ROBO1: variants seen among roughly 807,000 people sequenced by gnomAD.
The protein encoded by ROBO1 is roundabout homolog 1.
Under a neutral mutation model 195.9 loss-of-function variants are expected in ROBO1, and 149 were observed. The ratio of observed to expected loss-of-function variants is 0.76; its 90% CI spans 0.67 to 0.87. The LOEUF (loss-of-function observed/expected upper bound fraction) is 0.87. Among genes scored for constraint, ROBO1 ranks in the 40% least tolerant of loss-of-function variants. The pLI, the probability that ROBO1 is intolerant of heterozygous loss-of-function variation, is 0.00. For missense variants in ROBO1, 1,933 were observed against 2,068.3 expected (o/e 0.93, Z 1.27); for synonymous variants, 816 against 733.2 (o/e 1.11, Z -1.82).
At chr3:78,645,535 G>T (rs1216329323) in intron 21 of ROBO1, among the ~76,000 whole-genome samples, 5 of 151,614 alleles carry the variant, frequency 3.3e-5, no homozygotes, top group Non-Finnish European at 5.9e-5. Context: ...CTTTAAGCTG[G>T]TTGTCACATC....
At chr3:79,157,528 C>G (rs1169981840) in intron 2 of ROBO1, among the ~76,000 whole-genome samples, 1 of 151,846 alleles carries the variant, frequency 6.6e-6, no homozygotes, top group Non-Finnish European at 1.5e-5. Context: ...GCAGTTTAAA[C>G]CTAACATCAT....
At chr3:79,634,787 TA>T (rs1576155161) in intron 1 of ROBO1, among the ~76,000 whole-genome samples, 1 of 152,164 alleles carries the variant, frequency 6.6e-6, no homozygotes, top group African/African-American at 2.4e-5. Flanking sequence ...GGAATGTTAT[TA>T]AAAATACTCT....
At chr3:78,870,379 A>T (rs560485292) in intron 4 of ROBO1, among the ~76,000 whole-genome samples, 1 of 152,212 alleles carries the variant, frequency 6.6e-6, no homozygotes, top group South Asian at 2.1e-4. Flanking sequence ...CGACTTCTAC[A>T]TGCAAGTGTG....
intron 2 of ROBO1, among the ~76,000 whole-genome samples, chr3:79,481,088 G>A (rs889987058): frequency 6.6e-6 from 1 of 151,836 alleles, no homozygotes; most frequent in Non-Finnish European, 1.5e-5. Flanking sequence ...ATCACATTCT[G>A]CATAATTTAT....
Position 78,685,826 on chromosome 3 carries a change from G to T in ROBO1, c.1262C>A (p.Ser421Tyr). The stretch of plus-strand genomic sequence containing the variant: ...CTGGCAGATGTAATAACCAACATCA[G>T]ATCGCTGGACATTAGTAATTGTGAG... ...GDLTITNVQR[S>Y]DVGYYICQTL... Residue 421 changes from serine to tyrosine, a missense_variant, in exon 10 of 31, where the codon TCT (serine) becomes TAT (tyrosine). Coordinates refer to ENST00000464233, the MANE Select transcript of ROBO1 (RefSeq NM_002941.4). The T allele has an allele frequency of 6.2e-7, 1 of 1,612,050 alleles. No individual in the cohort carries two copies. Among genetic ancestry groups the T allele is most frequent in the Non-Finnish European group, 8.5e-7 (1 of 1,178,682 alleles).
At chr3:79,441,060 T>A (rs2039039351) in intron 2 of ROBO1, among the ~76,000 whole-genome samples, 1 of 152,134 alleles carries the variant, frequency 6.6e-6, no homozygotes, top group South Asian at 2.1e-4. Flanking sequence ...TTTATTGTTA[T>A]CCAAAAAACA....
intron 4 of ROBO1, among the ~76,000 whole-genome samples, chr3:78,881,222 G>A (rs932302956): frequency 6.6e-6 from 1 of 152,160 alleles, no homozygotes; most frequent in Non-Finnish European, 1.5e-5. Flanking sequence ...TGAGCTGTAC[G>A]AAGGAGAAGA....
chr3:78,939,199 A>T (rs2039987066), intron 3 of ROBO1, among the ~76,000 whole-genome samples: 1 of 152,102 alleles, frequency 6.6e-6, no homozygotes, highest in Non-Finnish European at 1.5e-5. Context: ...TCCTTTCAGA[A>T]CCCATTACAT....
chr3:78,746,641 C>A, intron 5 of ROBO1, 102 bp downstream of exon 5: 1 of 983,866 alleles, frequency 1.0e-6, no homozygotes, highest in Admixed American at 3.0e-5. Context: ...CTGACGCAAG[C>A]CTTTATTGAA....
At chr3:78,728,449 C>A (rs1453107001) in intron 5 of ROBO1, among the ~76,000 whole-genome samples, 2 of 31,610 alleles carry the variant, frequency 6.3e-5, no homozygotes, top group Admixed American at 1.0e-3. Context: ...GTTTTTTCTT[C>A]TAGGTTATAA....
intron 4 of ROBO1, among the ~76,000 whole-genome samples, chr3:78,813,976 A>C (rs562701985): frequency 2.4e-4 from 36 of 152,004 alleles, no homozygotes; most frequent in South Asian, 1.7e-3. Flanking sequence ...CTTCTCCCAA[A>C]TCCTAGTCTC....
intron 10 of ROBO1, among the ~76,000 whole-genome samples, chr3:78,674,506 A>C (rs1397199781): frequency 1.3e-5 from 2 of 152,224 alleles, no homozygotes; most frequent in Non-Finnish European, 2.9e-5. Context: ...AATAAGCTCC[A>C]AAATAAAGCA....
chr3:78,898,338 G>T (rs2037366387), intron 4 of ROBO1, among the ~76,000 whole-genome samples: 1 of 146,882 alleles, frequency 6.8e-6, no homozygotes, highest in Non-Finnish European at 1.5e-5. Context: ...TATATAGAGA[G>T]AGAGACAGAT....
At chr3:79,460,736 T>G (rs1008496593) in intron 2 of ROBO1, among the ~76,000 whole-genome samples, 4 of 152,152 alleles carry the variant, frequency 2.6e-5, no homozygotes, top group African/African-American at 9.7e-5. Context: ...TTAAGCAGTA[T>G]TTTTTTCTTT....
At chr3:79,706,409 GT>G (rs1474306249) in intron 1 of ROBO1, among the ~76,000 whole-genome samples, 1 of 152,042 alleles carries the variant, frequency 6.6e-6, no homozygotes, top group Non-Finnish European at 1.5e-5. Flanking sequence ...TGGTCATGTT[GT>G]TTTTCATCTT....
chr3:78,609,204 C>A (rs1191900518), intron 28 of ROBO1, among the ~76,000 whole-genome samples: 3 of 152,032 alleles, frequency 2.0e-5, no homozygotes, highest in Non-Finnish European at 4.4e-5. Context: ...TAAAAAAATA[C>A]AAATTTACAT....
chr3:79,616,289 C>T (rs1944816691), intron 1 of ROBO1, among the ~76,000 whole-genome samples: 1 of 152,122 alleles, frequency 6.6e-6, no homozygotes, highest in Admixed American at 6.5e-5. Flanking sequence ...CTTGTGTCTC[C>T]ACATCACTAG....
chr3:79,712,579 G>A (rs150553908), intron 1 of ROBO1, among the ~76,000 whole-genome samples: 33 of 152,228 alleles, frequency 2.2e-4, no homozygotes, highest in African/African-American at 7.0e-4. Context: ...AGCAGCTAAC[G>A]TAATGAAGAA....
intron 1 of ROBO1, among the ~76,000 whole-genome samples, chr3:79,605,181 T>A (rs1011011135): frequency 2.6e-5 from 4 of 152,010 alleles, no homozygotes; most frequent in African/African-American, 9.7e-5. Flanking sequence ...GAAACTGTTT[T>A]CTCATATACT....
Sources: gnomAD v4.1 joint callset for allele counts (sites outside exome capture counted in the v4.1 genomes callset) on GRCh38, gnomAD v4.1.1 for gene constraint, MANE v1.5 for transcripts, NCBI Gene and HGNC (gene_info 2026-07-23, HGNC 2026-07-21) for gene names.